SYTL3: variants seen among roughly 807,000 people sequenced by gnomAD.
The protein encoded by SYTL3 is synaptotagmin like 3.
In SYTL3, 88 loss-of-function variants were observed where a neutral mutation model predicts 82.1. The ratio of observed to expected loss-of-function variants is 1.07; its 90% CI spans 0.90 to 1.28. The LOEUF is 1.28. Among genes scored for constraint, SYTL3 ranks in the 50% most tolerant of loss-of-function variants. The pLI, the probability that SYTL3 is intolerant of heterozygous loss-of-function variation, is 0.00. For synonymous variants in SYTL3, 311 were observed against 289.4 expected (o/e 1.07, Z -0.76); for missense variants, 831 against 757.6 (o/e 1.10, Z -1.14).
At position 158,653,437 on chromosome 6, in the gene SYTL3, C is replaced by T. The variant is rs561764665; in HGVS notation, c.-637+1595C>T. Among the ~76,000 whole-genome samples, 9 of 151,672 alleles carry T rather than the reference C, an allele frequency of 5.9e-5. 1 individual carries two copies. The East Asian group carries it at 1.4e-3, about 23-fold the overall frequency. ...AGGAGAATTTCATGAACCTGGGAGG[C>T]GGAGGTTGTGGTGAGCCAAGATCGC... On this transcript the variant is annotated intron_variant, in intron 2 of 17. Transcript: ENST00000611299.
rs553781177 is a variant in SYTL3 at position 158,673,440 on chromosome 6, A to ATTTTTTT, written c.329+7838_329+7844dup. 1.5e-5 allele frequency among the ~76,000 whole-genome samples: 2 copies of ATTTTTTT among 134,506 alleles called. 1 individual carries two copies. The allele number at this position is 134,506 out of a possible 152,430, so 88.2% of individuals were successfully genotyped here. On this transcript the variant is annotated intron_variant, in intron 5 of 17. Transcript: ENST00000611299. ...CTTACACAGCTTCTTTGGGAATAGCATTTTTTTTTTTTTTTTTGAGACGGA... is the reference window on the plus strand; with the variant it reads ...CTTACACAGCTTCTTTGGGAATAGCATTTTTTTTTTTTTTTTTTTTTTTTGAGACGGA...
intron 2 of SYTL3, among the ~76,000 whole-genome samples, chr6:158,652,378 A>G (rs1438681003): frequency 6.6e-6 from 1 of 151,998 alleles, no homozygotes; most frequent in Non-Finnish European, 1.5e-5. Context: ...CCTCCGAAGT[A>G]GCTGGGACTA....
chr6:158,645,811 G>A (rs1255623949), upstream of SYTL3, among the ~76,000 whole-genome samples: 4 of 152,058 alleles, frequency 2.6e-5, no homozygotes, highest in Admixed American at 6.6e-5. Context: ...TTACTAAGTT[G>A]TCAGACTATA....
chr6:158,679,580 T>C lies in SYTL3; in HGVS notation c.330-3345T>C, dbSNP rs183019928. Among the ~76,000 whole-genome samples, 54 of 114,358 alleles carry C rather than the reference T, an allele frequency of 4.7e-4. 1 individual carries two copies. The East Asian group carries it at 0.012, about 25-fold the overall frequency. 75.0% of individuals were successfully genotyped at this position (114,358 alleles called of 152,430 possible). A position where few individuals can be genotyped will look rare whatever the true frequency, so the allele number is the denominator to read the frequency against. On this transcript the variant is annotated intron_variant, in intron 5 of 17. Coordinates refer to ENST00000611299, the MANE Select transcript of SYTL3 (RefSeq NM_001242394.2). ...AAAATACTGTGGTATTTTTACTTTA[T>C]TCTTTAATCACAGATAGGCCCAAGA...
At chr6:158,707,053 G>T (rs1782177818) in intron 6 of SYTL3, among the ~76,000 whole-genome samples, 177 bp from the exon 7 acceptor site, 1 of 152,150 alleles carries the variant, frequency 6.6e-6, no homozygotes, top group South Asian at 2.1e-4. Flanking sequence ...TTACAAAGTT[G>T]TACAACCATC....
At chr6:158,759,998 C>G (rs74985196) in intron 14 of SYTL3, among the ~76,000 whole-genome samples, 3,563 of 152,188 alleles carry the variant, frequency 0.023, 50 homozygotes, top group Non-Finnish European at 0.036. Flanking sequence ...CTGGACACAC[C>G]CTGCTCTAGA....
chr6:158,684,696 G>A (rs774512682), intron 6 of SYTL3, among the ~76,000 whole-genome samples: 134 of 152,062 alleles, frequency 8.8e-4, no homozygotes, highest in Admixed American at 1.4e-3. Flanking sequence ...TTTGTTGGCA[G>A]TAAAGGAAGC....
At chr6:158,702,445 T>G (rs9457441) in intron 6 of SYTL3, among the ~76,000 whole-genome samples, 99,214 of 150,834 alleles carry the variant, frequency 0.66, 34,563 homozygotes, top group African/African-American at 0.89. Flanking sequence ...AGGAGGCTGA[T>G]GTGGGAGGAT....
rs947357275 is a variant in SYTL3 at position 158,665,715 on chromosome 6, C to T, written c.329+102C>T. The T allele has an allele frequency of 2.3e-4, 193 of 822,876 alleles. 3 individuals are homozygous for T. The South Asian group carries it at 2.5e-3, about 11-fold the overall frequency. 51.0% of individuals were successfully genotyped at this position (822,876 alleles called of 1,614,324 possible). ...GAGAGCACTCACTCCTCACCTTCAG[C>T]CAGTAAATGTGTACCGAGTGCCTGA... On this transcript the variant is annotated intron_variant, in intron 5 of 17. Transcript: ENST00000611299.
intron 2 of SYTL3, among the ~76,000 whole-genome samples, chr6:158,660,857 A>G (rs1418969684): frequency 6.6e-6 from 1 of 152,212 alleles, no homozygotes; most frequent in African/African-American, 2.4e-5. Flanking sequence ...GCTTGAGCCC[A>G]GACCAGCCTG....
At position 158,763,507 on chromosome 6, in the gene SYTL3, CA is replaced by C; in HGVS notation, c.1723del (p.Lys575ArgfsTer31). ...TTGCTTGGAGGAACCAGACTTGGTT[CA>C]AGTAAGTCTGAGACATTGAGCCCAA... Reference protein sequence around the residue: ...DRLLGGTRLGSKGDTAVGGDA... With the variant: ...DRLLGGTRLGXKGDTAVGGDA... On this transcript the variant is annotated frameshift_variant and splice_region_variant, in exon 17 of 18. Coordinates refer to ENST00000611299, the MANE Select transcript of SYTL3 (RefSeq NM_001242394.2). LOFTEE classifies it low-confidence loss of function (END_TRUNC). 1 of 1,613,514 alleles carries C rather than the reference CA, an allele frequency of 6.2e-7. No individual in the cohort carries two copies. The highest frequency in any genetic ancestry group is 8.5e-7 in the Non-Finnish European group (1 of 1,179,498).
chr6:158,753,507 G>A lies in SYTL3; in HGVS notation c.1137+1477G>A, dbSNP rs1238509422. On this transcript the variant is annotated intron_variant, in intron 13 of 17. Transcript: ENST00000611299. ...GCACCTTGGGAGGCTGAGGCGGGTG[G>A]ATCATGAGGTCAGGAGATCGAGACC... Among the ~76,000 whole-genome samples, 5 of 150,726 alleles carry A rather than the reference G, an allele frequency of 3.3e-5. No homozygotes were observed. In the East Asian group the frequency reaches 1.0e-3, roughly 31 times the overall value.
At position 158,690,702 on chromosome 6, in the gene SYTL3, T is replaced by A. The variant is rs545705281; in HGVS notation, c.394+7713T>A. On this transcript the variant is annotated intron_variant, in intron 6 of 17. Transcript: ENST00000611299. ...TTAAATATTTTGATTTATTTAAAAA[T>A]TTTTCTGATTATAGGCTGGCTTTTT... Among the ~76,000 whole-genome samples, 16 of 152,342 alleles carry A rather than the reference T, an allele frequency of 1.1e-4. No individual in the cohort carries two copies. In the South Asian group the frequency reaches 1.9e-3, roughly 18 times the overall value.
intron 5 of SYTL3, among the ~76,000 whole-genome samples, chr6:158,674,284 TG>T (rs1238397477): frequency 6.6e-6 from 1 of 152,156 alleles, no homozygotes; most frequent in African/African-American, 2.4e-5. Context: ...GCTTTGGCTC[TG>T]TTAGTTTATG....
chr6:158,750,714 C>T (rs1486854182), intron 12 of SYTL3, among the ~76,000 whole-genome samples: 1 of 152,082 alleles, frequency 6.6e-6, no homozygotes, highest in Admixed American at 6.5e-5. Flanking sequence ...GATGAGTTCT[C>T]CCTGTGTATT....
chr6:158,656,185 C>T (rs922803259), intron 2 of SYTL3, among the ~76,000 whole-genome samples: 17 of 152,174 alleles, frequency 1.1e-4, no homozygotes, highest in Admixed American at 3.3e-4. Context: ...CCTAGAGATG[C>T]CTTCTCCTCC....
At chr6:158,763,182 A>G in intron 16 of SYTL3, 122 bp from the exon 17 acceptor site, 1 of 868,640 alleles carries the variant, frequency 1.2e-6, no homozygotes, top group Non-Finnish European at 1.9e-6. Context: ...TTCACTGGGG[A>G]GGGTGTGGAT....
At chr6:158,700,266 TAAATAAAC>T (rs1781034077) in intron 6 of SYTL3, among the ~76,000 whole-genome samples, 1 of 152,066 alleles carries the variant, frequency 6.6e-6, no homozygotes, top group South Asian at 2.1e-4. Flanking sequence ...CATAAATAAA[TAAATAAAC>T]AAATAAACAA....
upstream of SYTL3, among the ~76,000 whole-genome samples, chr6:158,647,652 G>A (rs973313921): frequency 1.3e-5 from 2 of 152,224 alleles, no homozygotes; most frequent in African/African-American, 4.8e-5. Context: ...CAGTTCACCA[G>A]ATGCCATTTC....
Sources: gnomAD v4.1 joint callset for allele counts (sites outside exome capture counted in the v4.1 genomes callset) on GRCh38, gnomAD v4.1.1 for gene constraint, MANE v1.5 for transcripts, NCBI Gene and HGNC (gene_info 2026-07-23, HGNC 2026-07-21) for gene names.